Variants in CTNNA2 observed in about 807,000 individuals in gnomAD.
The protein encoded by CTNNA2 is catenin alpha 2.
Under a neutral mutation model 101.0 loss-of-function variants are expected in CTNNA2, and 42 were observed. The observed-to-expected ratio is 0.42, with a 90% confidence interval of 0.32 to 0.54. CTNNA2 has a LOEUF of 0.54. Among genes scored for constraint, CTNNA2 ranks in the 20% least tolerant of loss-of-function variants. The probability of loss-of-function intolerance (pLI) is 0.14; values close to 1 mark genes in which losing one functional copy is unlikely to be tolerated. For missense variants in CTNNA2, 871 were observed against 1,223.1 expected, an observed-to-expected ratio of 0.71 and a Z score of 4.29; for synonymous variants, 450 against 456.4, an observed-to-expected ratio of 0.99 and a Z score of 0.18.
At chr2:80,130,770 T>C (rs934691738) in intron 7 of CTNNA2, among the ~76,000 whole-genome samples, 1 of 151,560 alleles carries the variant, frequency 6.6e-6, no homozygotes, top group African/African-American at 2.4e-5. Context: ...TTTAATTTTC[T>C]GATATAAAGT....
intron 7 of CTNNA2, among the ~76,000 whole-genome samples, chr2:80,095,681 G>T (rs147037536): frequency 0.017 from 2,627 of 152,156 alleles, 65 homozygotes; most frequent in African/African-American, 0.059. Flanking sequence ...CAATTTCAGA[G>T]CCTGTTACTG....
chr2:80,008,612 C>A (rs893071454), intron 7 of CTNNA2, among the ~76,000 whole-genome samples: 1 of 152,192 alleles, frequency 6.6e-6, no homozygotes, highest in Non-Finnish European at 1.5e-5. Context: ...GACTCAGTTT[C>A]CCTCCATGTT....
intron 2 of CTNNA2, among the ~76,000 whole-genome samples, chr2:79,225,113 T>C (rs1046074526): frequency 1.3e-5 from 2 of 152,156 alleles, no homozygotes; most frequent in African/African-American, 4.8e-5. Flanking sequence ...TGCGGATATA[T>C]ATTTTTATTT....
intron 18 of CTNNA2, among the ~76,000 whole-genome samples, chr2:80,639,488 G>T (rs183189322): frequency 6.7e-4 from 100 of 148,708 alleles, no homozygotes; most frequent in Middle Eastern, 3.4e-3. Flanking sequence ...GGGATTATAG[G>T]CATGAACCAC....
intron 7 of CTNNA2, among the ~76,000 whole-genome samples, chr2:80,356,730 C>T (rs1287682641): frequency 6.6e-6 from 1 of 152,152 alleles, no homozygotes; most frequent in East Asian, 1.9e-4. Context: ...TCCAGGGAAC[C>T]TCCAAGTATT....
chr2:80,025,334 C>T (rs557260697), intron 7 of CTNNA2, among the ~76,000 whole-genome samples: 1 of 152,290 alleles, frequency 6.6e-6, no homozygotes, highest in South Asian at 2.1e-4. Flanking sequence ...TCCCCTGCCT[C>T]CTGTCGGTAT....
At chr2:79,185,721 G>GT (rs1330064968) in intron 1 of CTNNA2, among the ~76,000 whole-genome samples, 2 of 152,140 alleles carry the variant, frequency 1.3e-5, no homozygotes, top group Non-Finnish European at 2.9e-5. Context: ...ACACAGAAGA[G>GT]TATTTAATAA....
At chr2:80,601,070 A>T (rs976983225) in intron 15 of CTNNA2, among the ~76,000 whole-genome samples, 2 of 152,162 alleles carry the variant, frequency 1.3e-5, no homozygotes, top group Non-Finnish European at 2.9e-5. Context: ...AAATATTCCC[A>T]TTATGGCAGA....
chr2:80,138,286 A>G (rs1469991610), intron 7 of CTNNA2, among the ~76,000 whole-genome samples: 1 of 152,044 alleles, frequency 6.6e-6, no homozygotes, highest in Admixed American at 6.6e-5. Context: ...GGTGGAAAAA[A>G]AGGCAGTTAA....
intron 2 of CTNNA2, among the ~76,000 whole-genome samples, chr2:79,654,523 G>A (rs370625871): frequency 6.6e-5 from 10 of 152,120 alleles, no homozygotes; most frequent in East Asian, 1.9e-4. Flanking sequence ...TATTTCCTTC[G>A]ATGAATCTTA....
chr2:79,880,658 G>A (rs1283670786), intron 6 of CTNNA2, among the ~76,000 whole-genome samples: 5 of 152,038 alleles, frequency 3.3e-5, no homozygotes, highest in Admixed American at 2.0e-4. Context: ...GGGGTCAATG[G>A]TGATATCTCC....
rs191665525 is a variant in CTNNA2, at chr2:80,054,307, G to A, written c.1056+144510G>A. On this transcript the variant is annotated intron_variant, in intron 7 of 18. Transcript: ENST00000402739. ...ATTTGCTTTAGTCACAATTCTGAGA[G>A]ACCCTAAACTAGGAGGTCAAAACTA... is the stretch of plus-strand genomic sequence containing the variant. Among the ~76,000 whole-genome samples the A allele has an allele frequency of 2.2e-3, 341 of 152,300 alleles. 1 individual carries two copies. The highest frequency in any genetic ancestry group is 5.2e-3 in the Admixed American group (79 of 15,302).
At chr2:79,805,605 G>A (rs187997998) in intron 3 of CTNNA2, among the ~76,000 whole-genome samples, 1 of 152,254 alleles carries the variant, frequency 6.6e-6, no homozygotes, top group Admixed American at 6.5e-5. Flanking sequence ...AATTTTGGCT[G>A]TGACTCCTGT....
chr2:79,463,233 G>A (rs1277952050), intron 4 of CTNNA2, among the ~76,000 whole-genome samples: 1 of 151,984 alleles, frequency 6.6e-6, no homozygotes, highest in Non-Finnish European at 1.5e-5. Flanking sequence ...CCAACATGGT[G>A]AAACCCTGTC....
chr2:79,531,596 G>GGTGT (rs1672746739), intron 1 of CTNNA2, among the ~76,000 whole-genome samples: 2 of 152,048 alleles, frequency 1.3e-5, no homozygotes, highest in African/African-American at 2.4e-5. Flanking sequence ...AAAGAGGCAA[G>GGTGT]GTGTGTAAGC....
intron 7 of CTNNA2, among the ~76,000 whole-genome samples, chr2:79,969,069 C>T (rs1690292885): frequency 6.6e-6 from 1 of 152,130 alleles, no homozygotes; most frequent in South Asian, 2.1e-4. Flanking sequence ...TATTAAGAGA[C>T]ATCATTACTT....
intron 3 of CTNNA2, among the ~76,000 whole-genome samples, chr2:79,323,111 T>C (rs1676661888): frequency 6.6e-6 from 1 of 152,132 alleles, no homozygotes; most frequent in South Asian, 2.1e-4. Flanking sequence ...CCCCAGTATG[T>C]TTAGGCTCTT....
At chr2:80,582,178 C>T (rs1039380702) in intron 14 of CTNNA2, among the ~76,000 whole-genome samples, 27 of 152,220 alleles carry the variant, frequency 1.8e-4, no homozygotes, top group Admixed American at 1.5e-3. Context: ...CATTGTTCTT[C>T]CTGAAGTCTC....
intron 6 of CTNNA2, among the ~76,000 whole-genome samples, chr2:79,894,133 C>T (rs929058965): frequency 1.3e-5 from 2 of 150,886 alleles, no homozygotes; most frequent in South Asian, 2.1e-4. Context: ...AAAGGAACTA[C>T]GTTTGGTAAT....
Sources: allele counts gnomAD v4.1 joint callset (sites outside exome capture counted in the v4.1 genomes callset), GRCh38; gene constraint gnomAD v4.1.1; transcripts MANE v1.5; gene names NCBI Gene and HGNC (gene_info 2026-07-23, HGNC 2026-07-21).